The following RUBCNL variants were observed in gnomAD, a reference collection of about 807,000 sequenced individuals.
The protein encoded by RUBCNL is protein associated with UVRAG as autophagy enhancer.
Under a neutral mutation model 69.5 loss-of-function variants are expected in RUBCNL, and 62 were observed. That is an observed-to-expected ratio of 0.89 (90% CI 0.73 to 1.10). The LOEUF is 1.10. RUBCNL is among the 50% of genes least tolerant of loss of function. RUBCNL has a pLI of 0.00. For missense variants in RUBCNL, 768 were observed against 798.1 expected (o/e 0.96, Z 0.45); for synonymous variants, 291 against 303.6 (o/e 0.96, Z 0.43).
chr13:46,367,728 T>C (rs562426608), intron 5 of RUBCNL, among the ~76,000 whole-genome samples: 2 of 152,140 alleles, frequency 1.3e-5, no homozygotes, highest in African/African-American at 4.8e-5. Flanking sequence ...AATGAACAAT[T>C]CTTAAGTTTT....
At chr13:46,376,274 T>C (rs1421784605) in intron 2 of RUBCNL, among the ~76,000 whole-genome samples, 1 of 152,082 alleles carries the variant, frequency 6.6e-6, no homozygotes, top group East Asian at 1.9e-4. Context: ...TGTGTGTGTA[T>C]ATATATATCT....
At chr13:46,381,681 C>T (rs1165247198) in intron 1 of RUBCNL, among the ~76,000 whole-genome samples, 2 of 152,162 alleles carry the variant, frequency 1.3e-5, no homozygotes, top group Non-Finnish European at 2.9e-5. Context: ...CTCCTGGGTT[C>T]AAGTGATTCT....
rs750387565 is a variant in RUBCNL at position 46,342,303 on chromosome 13, T to C, written c.*1082A>G. On this transcript the variant is annotated 3_prime_UTR_variant, in exon 15 of 15. Coordinates refer to ENST00000429979, the MANE Select transcript of RUBCNL (RefSeq NM_025113.5). ...CTGAGAAAATCAAGGTAGGTTTAGT[T>C]AGGGCATGTGAATCCCAGGGAATGT... 6.6e-6 allele frequency: 1 copy of C among 152,168 alleles called. No homozygotes were observed. The highest frequency in any genetic ancestry group is 1.9e-4 in the East Asian group (1 of 5,192). 9.4% of individuals were successfully genotyped at this position (152,168 alleles called of 1,614,324 possible). A position where few individuals can be genotyped will look rare whatever the true frequency, so the allele number is the denominator to read the frequency against.
chr13:46,384,210 A>G lies in RUBCNL; in HGVS notation c.-239+2924T>C, dbSNP rs559491414. 2.6e-5 allele frequency among the ~76,000 whole-genome samples: 4 copies of G among 152,360 alleles called. No homozygotes were observed. In the East Asian group the frequency reaches 7.7e-4, roughly 29 times the overall value. The stretch of plus-strand genomic sequence containing the variant: ...AAATACTTGCAAAATATGCATATAG[A>G]TAAGTGCTAGTCCCTTCACTTAACA... On this transcript the variant is annotated intron_variant, in intron 1 of 14. Transcript: ENST00000429979.
intron 11 of RUBCNL, 22 bp from the exon 12 acceptor site, chr13:46,349,369 G>C (rs201862984): frequency 1.8e-5 from 29 of 1,605,236 alleles, no homozygotes; most frequent in Non-Finnish European, 2.2e-5. Flanking sequence ...AACCAAACAC[G>C]GGGAAAAGTT....
chr13:46,356,792 C>T (rs1482691698), intron 9 of RUBCNL, among the ~76,000 whole-genome samples: 1 of 151,966 alleles, frequency 6.6e-6, no homozygotes, highest in Admixed American at 6.6e-5. Flanking sequence ...CTGCCTCAAA[C>T]TCCTCGGCTC....
chr13:46,351,539 T>C (rs2048368154), intron 10 of RUBCNL, among the ~76,000 whole-genome samples: 1 of 152,178 alleles, frequency 6.6e-6, no homozygotes, highest in Non-Finnish European at 1.5e-5. Flanking sequence ...AAGGTGTTCA[T>C]TACAGCACAT....
intron 3 of RUBCNL, among the ~76,000 whole-genome samples, chr13:46,371,257 T>C (rs1238202345): frequency 6.6e-6 from 1 of 152,220 alleles, no homozygotes; most frequent in Non-Finnish European, 1.5e-5. Context: ...AAATGTAAAT[T>C]AATAATGACA....
At chr13:46,359,701 C>A in intron 8 of RUBCNL, 70 bp from the exon 9 acceptor site, 1 of 1,336,726 alleles carries the variant, frequency 7.5e-7, no homozygotes, top group Non-Finnish European at 1.0e-6. Context: ...AAAGAAACAT[C>A]TAAATGTATT....
intron 1 of RUBCNL, among the ~76,000 whole-genome samples, chr13:46,382,130 T>C (rs1038350348): frequency 1.3e-5 from 2 of 152,096 alleles, no homozygotes; most frequent in Non-Finnish European, 2.9e-5. Context: ...CAGTGAAGCA[T>C]TTGGCATGTA....
intron 5 of RUBCNL, among the ~76,000 whole-genome samples, chr13:46,363,690 C>T (rs1330064393): frequency 1.3e-5 from 2 of 151,610 alleles, no homozygotes; most frequent in African/African-American, 2.4e-5. Flanking sequence ...CCCGTCTCTA[C>T]AAAAAATACA....
rs994087849 is a variant in RUBCNL, at chr13:46,338,422, G to A, written c.*4963C>T. Among the ~76,000 whole-genome samples, 3 of 152,184 alleles carry A rather than the reference G, an allele frequency of 2.0e-5. No homozygotes were observed. Among genetic ancestry groups the A allele is most frequent in the Admixed American group, 6.5e-5 (1 of 15,294 alleles). On this transcript the variant is annotated 3_prime_UTR_variant, in exon 15 of 15. Coordinates refer to ENST00000429979, the MANE Select transcript of RUBCNL (RefSeq NM_025113.5). ...TTGGCTGCCTCTTGGTCTTAGCAGC[G>A]CAGTTCACTTTCAGGAGGCTGGACC...
At position 46,342,939 on chromosome 13, in the gene RUBCNL, A is replaced by G. The variant is rs1280907187; in HGVS notation, c.*446T>C. Reference sequence around the variant, plus strand: ...ATTTAAGTGGAAGTCTGCTTCCTGAAGAAATAAAAGCCAGAGCAAACAGAT... The same window carrying G: ...ATTTAAGTGGAAGTCTGCTTCCTGAGGAAATAAAAGCCAGAGCAAACAGAT... On this transcript the variant is annotated 3_prime_UTR_variant, in exon 15 of 15. Coordinates refer to ENST00000429979, the MANE Select transcript of RUBCNL (RefSeq NM_025113.5). 6.3e-6 allele frequency: 1 copy of G among 159,048 alleles called. No homozygotes were observed. Among genetic ancestry groups the G allele is most frequent in the African/African-American group, 2.4e-5 (1 of 41,708 alleles). The allele number at this position is 159,048 out of a possible 1,614,324, so 9.9% of individuals were successfully genotyped here.
intron 14 of RUBCNL, 92 bp from the exon 15 acceptor site, chr13:46,343,589 G>A (rs2048180055): frequency 3.0e-6 from 4 of 1,327,654 alleles, no homozygotes; most frequent in Non-Finnish European, 3.1e-6. Context: ...GAGGGAGAGG[G>A]GTCTGAATCC....
chr13:46,380,671 A>T (rs2138842721), intron 1 of RUBCNL, among the ~76,000 whole-genome samples: 1 of 152,314 alleles, frequency 6.6e-6, no homozygotes, highest in Non-Finnish European at 1.5e-5. Context: ...ATACTTGTAT[A>T]AAAAAACTTT....
intron 14 of RUBCNL, among the ~76,000 whole-genome samples, chr13:46,344,355 G>T (rs1187992977): frequency 6.6e-6 from 1 of 152,190 alleles, no homozygotes; most frequent in East Asian, 1.9e-4. Flanking sequence ...TAGACCCTGA[G>T]GGCCATGTGG....
Position 46,361,467 on chromosome 13 carries a change from C to T in RUBCNL, c.1093G>A (p.Gly365Ser). Reference protein sequence around the residue: ...ILSVVNSQLAGSLSAAGSIVV... With the variant: ...ILSVVNSQLASSLSAAGSIVV... Reference sequence around the variant, plus strand: ...ATCGAGCCAGCTGCACTCAGGGAACCTGCCAGCTGAGAATTAACTACTGAC... The same window carrying T: ...ATCGAGCCAGCTGCACTCAGGGAACTTGCCAGCTGAGAATTAACTACTGAC... Residue 365 changes from glycine (G) to serine (S), a missense_variant, in exon 8 of 15, where the codon GGT becomes AGT. Gly to Ser is a moderately conservative substitution (Grantham distance 56). Coordinates refer to ENST00000429979, the MANE Select transcript of RUBCNL (RefSeq NM_025113.5). 6.2e-7 allele frequency: 1 copy of T among 1,613,940 alleles called. No individual in the cohort carries two copies. Among genetic ancestry groups the T allele is most frequent in the Non-Finnish European group, 8.5e-7 (1 of 1,179,844 alleles).
At chr13:46,361,095 T>G (rs1387194519) in intron 8 of RUBCNL, among the ~76,000 whole-genome samples, 1 of 152,092 alleles carries the variant, frequency 6.6e-6, no homozygotes, top group African/African-American at 2.4e-5. Context: ...CGTGGTGGCG[T>G]GCGCCTGTAG....
chr13:46,363,416 C>A (rs2048676622), intron 5 of RUBCNL, among the ~76,000 whole-genome samples: 1 of 152,144 alleles, frequency 6.6e-6, no homozygotes, highest in South Asian at 2.1e-4. Context: ...TGCCTGTAGT[C>A]CCAGCTATTC....
Sources: allele counts gnomAD v4.1 joint callset (sites outside exome capture counted in the v4.1 genomes callset), GRCh38; gene constraint gnomAD v4.1.1; transcripts MANE v1.5; gene names NCBI Gene and HGNC (gene_info 2026-07-23, HGNC 2026-07-21).